The following SORCS3 variants were observed in gnomAD, a reference collection of about 807,000 sequenced individuals.
The protein encoded by SORCS3 is sortilin related VPS10 domain containing receptor 3.
Under a neutral mutation model 146.3 loss-of-function variants are expected in SORCS3, and 57 were observed. The observed-to-expected ratio is 0.39, with a 90% CI of 0.31 to 0.49. The LOEUF (loss-of-function observed/expected upper bound fraction) is 0.49, where lower values mean the gene tolerates loss of function less well. Among genes scored for constraint, SORCS3 ranks in the 20% least tolerant of loss-of-function variants. The pLI is 0.92. For synonymous variants in SORCS3, 653 were observed against 618.5 expected (o/e 1.06, Z -0.83); for missense variants, 1,341 against 1,575.5 (o/e 0.85, Z 2.52).
intron 13 of SORCS3, among the ~76,000 whole-genome samples, chr10:105,176,431 TA>T (rs2056402889): frequency 6.6e-6 from 1 of 151,872 alleles, no homozygotes; most frequent in Non-Finnish European, 1.5e-5. Flanking sequence ...TACACACCTG[TA>T]GTTCTAGCTA....
intron 19 of SORCS3, among the ~76,000 whole-genome samples, chr10:105,221,642 C>T (rs2056703033): frequency 6.6e-6 from 1 of 152,170 alleles, no homozygotes; most frequent in African/African-American, 2.4e-5. Context: ...TCCCTTTGAA[C>T]TGACTTGTCT....
intron 8 of SORCS3, among the ~76,000 whole-genome samples, chr10:105,147,384 A>G (rs2056138544): frequency 6.6e-6 from 1 of 152,146 alleles, no homozygotes; most frequent in African/African-American, 2.4e-5. Flanking sequence ...CTTGAAAGCC[A>G]TGGGAAATGA....
chr10:104,913,350 G>C (rs2018990074), intron 2 of SORCS3, among the ~76,000 whole-genome samples: 1 of 152,172 alleles, frequency 6.6e-6, no homozygotes, highest in Non-Finnish European at 1.5e-5. Flanking sequence ...AAGTTTTTTA[G>C]GAAATAGCAT....
At chr10:104,807,902 T>A (rs756429229) in intron 1 of SORCS3, among the ~76,000 whole-genome samples, 8 of 152,290 alleles carry the variant, frequency 5.3e-5, no homozygotes, top group South Asian at 2.1e-4. Flanking sequence ...GCCTCTGCCA[T>A]GATATGAAAT....
intron 1 of SORCS3, among the ~76,000 whole-genome samples, chr10:104,735,839 C>A (rs1362630924): frequency 4.6e-5 from 7 of 152,252 alleles, no homozygotes; most frequent in African/African-American, 1.7e-4. Flanking sequence ...TCACTAACAA[C>A]AGTCTGCTTT....
intron 14 of SORCS3, among the ~76,000 whole-genome samples, chr10:105,194,003 G>A (rs1301061500): frequency 4.6e-5 from 7 of 152,094 alleles, no homozygotes; most frequent in African/African-American, 1.7e-4. Context: ...TAAAAGGAAA[G>A]AGAAAAATGG....
At chr10:104,943,771 A>G (rs1316029383) in intron 3 of SORCS3, among the ~76,000 whole-genome samples, 6 of 152,124 alleles carry the variant, frequency 3.9e-5, no homozygotes, top group African/African-American at 1.4e-4. Context: ...AGAATCTTGG[A>G]AAAAAAAGTT....
chr10:105,030,001 A>G (rs2055254501), intron 4 of SORCS3, among the ~76,000 whole-genome samples: 1 of 152,148 alleles, frequency 6.6e-6, no homozygotes, highest in South Asian at 2.1e-4. Flanking sequence ...GATAACTTTG[A>G]AATTTGAGAG....
At chr10:104,746,087 T>A (rs984902294) in intron 1 of SORCS3, among the ~76,000 whole-genome samples, 1 of 151,994 alleles carries the variant, frequency 6.6e-6, no homozygotes, top group Admixed American at 6.6e-5. Flanking sequence ...AATTGACAAA[T>A]AATAATTGTA....
chr10:105,159,278 T>C (rs1176719511), intron 11 of SORCS3, among the ~76,000 whole-genome samples: 2 of 152,146 alleles, frequency 1.3e-5, no homozygotes, highest in Non-Finnish European at 2.9e-5. Flanking sequence ...CCAATCAGAA[T>C]GGTTGTTTGT....
At chr10:104,830,507 T>A (rs2017988391) in intron 1 of SORCS3, among the ~76,000 whole-genome samples, 1 of 152,092 alleles carries the variant, frequency 6.6e-6, no homozygotes, top group Admixed American at 6.5e-5. Context: ...CCCATCCCCA[T>A]TGCTTCCACC....
intron 5 of SORCS3, among the ~76,000 whole-genome samples, chr10:105,046,462 G>A (rs946476940): frequency 6.6e-6 from 1 of 152,098 alleles, no homozygotes; most frequent in Admixed American, 6.6e-5. Flanking sequence ...TGCTCCAGAA[G>A]TGATTTCTGA....
At position 105,073,397 on chromosome 10, in the gene SORCS3, A is replaced by AG. The variant is rs1486605414; in HGVS notation, c.1029-16375dup. 2.6e-5 allele frequency among the ~76,000 whole-genome samples: 4 copies of AG among 152,318 alleles called. No individual in the cohort carries two copies. The South Asian group carries it at 8.3e-4, about 32-fold the overall frequency. On this transcript the variant is annotated intron_variant, in intron 5 of 26. Transcript: ENST00000369701. ...CTGCTTAGAGAATGACGCTGGACAC[A>AG]GGGTGTTCAGTCTGGTACACACGTA... is the stretch of plus-strand genomic sequence containing the variant.
intron 1 of SORCS3, among the ~76,000 whole-genome samples, chr10:104,760,373 T>C (rs1431661431): frequency 1.3e-5 from 2 of 152,186 alleles, no homozygotes; most frequent in Admixed American, 1.3e-4. Flanking sequence ...AAACAATACC[T>C]CATTTATCTA....
chr10:105,241,951 C>A (rs66923044), intron 20 of SORCS3, among the ~76,000 whole-genome samples: 35,169 of 151,834 alleles, frequency 0.23, 4,035 homozygotes, highest in South Asian at 0.3. Flanking sequence ...AGAGAAAGCG[C>A]ACCAAACAGG....
At position 104,768,971 on chromosome 10, in the gene SORCS3, A is replaced by G. The variant is rs1775653848; in HGVS notation, c.628-73821A>G. ...CCAAATGGCCTTAGAGAGTAGCTCCACTTTCCAGCACCCTCTCTGCAGAAT... is the reference window on the plus strand; with the variant it reads ...CCAAATGGCCTTAGAGAGTAGCTCCGCTTTCCAGCACCCTCTCTGCAGAAT... On this transcript the variant is annotated intron_variant, in intron 1 of 26. Coordinates refer to ENST00000369701, the MANE Select transcript of SORCS3 (RefSeq NM_014978.3). 2.0e-5 allele frequency among the ~76,000 whole-genome samples: 3 copies of G among 152,170 alleles called. No individual in the cohort carries two copies. The South Asian group carries it at 6.2e-4, about 31-fold the overall frequency.
chr10:105,109,693 A>G (rs2055846593), intron 7 of SORCS3, among the ~76,000 whole-genome samples: 1 of 152,040 alleles, frequency 6.6e-6, no homozygotes, highest in Non-Finnish European at 1.5e-5. Context: ...TCATTAAGGC[A>G]TCTTGTTGTT....
chr10:105,237,052 G>T (rs780879041), intron 20 of SORCS3, among the ~76,000 whole-genome samples: 4 of 152,058 alleles, frequency 2.6e-5, no homozygotes, highest in Non-Finnish European at 5.9e-5. Context: ...GTGACGAGAG[G>T]TATTTCCTTG....
intron 20 of SORCS3, among the ~76,000 whole-genome samples, chr10:105,227,059 C>G (rs2056737826): frequency 2.0e-5 from 3 of 151,500 alleles, no homozygotes; most frequent in African/African-American, 7.3e-5. Context: ...TTGTTTAGTT[C>G]TCCTCTGATC....
Sources: allele counts gnomAD v4.1 joint callset (sites outside exome capture counted in the v4.1 genomes callset), GRCh38; gene constraint gnomAD v4.1.1; transcripts MANE v1.5; gene names NCBI Gene and HGNC (gene_info 2026-07-23, HGNC 2026-07-21).